Variants in ATG4B observed in about 807,000 individuals in gnomAD.
ATG4B encodes cysteine protease ATG4B.
A neutral mutation model predicts 56.6 loss-of-function variants in ATG4B; 29 were observed. That is an observed-to-expected ratio of 0.51 (90% CI 0.38 to 0.70). ATG4B has a LOEUF of 0.70. Among genes scored for constraint, ATG4B ranks in the 30% least tolerant of loss-of-function variants. The pLI is 0.00. For synonymous variants in ATG4B, 224 were observed against 206.1 expected (o/e 1.09, Z -0.74); for missense variants, 461 against 515.5 (o/e 0.89, Z 1.02).
chr2:241,642,731 C>T (rs2067931062), intron 1 of ATG4B, among the ~76,000 whole-genome samples: 1 of 151,082 alleles, frequency 6.6e-6, no homozygotes, highest in Non-Finnish European at 1.5e-5. Flanking sequence ...TATTAAAATG[C>T]CATCTGCCCT....
chr2:241,666,535 C>T lies in ATG4B; in HGVS notation c.539-110C>T. ...CAAGTTTGAATTTCACTGTAAGCAC[C>T]TGGCTTTGTACCGCCCTTTTTCTGT... On this transcript the variant is annotated intron_variant, in intron 7 of 12. Coordinates refer to ENST00000404914, the MANE Select transcript of ATG4B (RefSeq NM_013325.5). 3 of 1,169,594 alleles carry T rather than the reference C, an allele frequency of 2.6e-6. No individual in the cohort carries two copies. In the South Asian group the frequency reaches 4.0e-5, roughly 16 times the overall value. 72.5% of individuals were successfully genotyped at this position (1,169,594 alleles called of 1,614,324 possible). A position where few individuals can be genotyped will look rare whatever the true frequency, so the allele number is the denominator to read the frequency against.
At chr2:241,637,993 C>T (rs1037486406) in intron 1 of ATG4B, among the ~76,000 whole-genome samples, 15 of 151,588 alleles carry the variant, frequency 9.9e-5, no homozygotes, top group African/African-American at 3.6e-4. Context: ...CGGAGCGCTC[C>T]GGAGGTTGTG....
At chr2:241,667,764 C>T (rs2068825545) in intron 8 of ATG4B, 1 of 196,308 alleles carries the variant, frequency 5.1e-6, no homozygotes. Flanking sequence ...GCCTTCTGCC[C>T]ATCCTGTGGG....
At chr2:241,653,647 T>C in intron 4 of ATG4B, 37 bp downstream of exon 4, 1 of 1,546,512 alleles carries the variant, frequency 6.5e-7, no homozygotes, top group Non-Finnish European at 8.8e-7. Context: ...ATGGCCACGG[T>C]GTTCTCAGGA....
chr2:241,640,121 A>G (rs2067840418), intron 1 of ATG4B, among the ~76,000 whole-genome samples: 1 of 152,176 alleles, frequency 6.6e-6, no homozygotes. Context: ...CTAAAATGTG[A>G]AAATCATCAT....
At chr2:241,645,165 C>A (rs756966423) in intron 1 of ATG4B, among the ~76,000 whole-genome samples, 24 of 152,096 alleles carry the variant, frequency 1.6e-4, no homozygotes, top group Non-Finnish European at 2.6e-4. Context: ...CCTTCCTGTC[C>A]TCCAGCATGA....
chr2:241,669,542 C>G (rs535983491), intron 10 of ATG4B, among the ~76,000 whole-genome samples: 3 of 152,342 alleles, frequency 2.0e-5, no homozygotes, highest in Non-Finnish European at 4.4e-5. Context: ...GAGTCTCACT[C>G]TGTCGCCCAG....
chr2:241,662,987 G>A (rs2068637063), intron 7 of ATG4B, among the ~76,000 whole-genome samples: 1 of 152,046 alleles, frequency 6.6e-6, no homozygotes, highest in Admixed American at 6.5e-5. Context: ...TATAATCCCA[G>A]CACTTCGGGA....
At position 241,639,720 on chromosome 2, in the gene ATG4B, C is replaced by T. The variant is rs150616548; in HGVS notation, c.10+1996C>T. Among the ~76,000 whole-genome samples the T allele has an allele frequency of 2.0e-3, 298 of 152,222 alleles. 2 individuals are homozygous for T. Among genetic ancestry groups the T allele is most frequent in the Admixed American group, 3.9e-3 (60 of 15,298 alleles). On this transcript the variant is annotated intron_variant, in intron 1 of 12. Coordinates refer to ENST00000404914, the MANE Select transcript of ATG4B (RefSeq NM_013325.5). ...TGGCTGGGTCCAGGGCTTTTATAGG[C>T]TCAGAATGGGGAGTGTGTGCTGATT...
intron 7 of ATG4B, among the ~76,000 whole-genome samples, chr2:241,662,742 G>A (rs1431211864): frequency 6.6e-6 from 1 of 152,008 alleles, no homozygotes; most frequent in Non-Finnish European, 1.5e-5. Context: ...CAGTAAAGTG[G>A]GCCGGGCATG....
In ATG4B at chr2:241,671,910, C is replaced by T. The variant is rs1180962304; in HGVS notation, c.1109-281C>T. On this transcript the variant is annotated intron_variant, in intron 12 of 12. Transcript: ENST00000404914. ...CAAGGCAATGGCAATGGAACCACTC[C>T]TGATGACCACGAGGGTCAGACGCGG... The T allele has an allele frequency of 7.4e-6, 10 of 1,358,588 alleles. No individual in the cohort carries two copies. The East Asian group carries it at 1.5e-4, about 20-fold the overall frequency. The allele number at this position is 1,358,588 out of a possible 1,614,324, so 84.2% of individuals were successfully genotyped here.
chr2:241,660,130 C>G (rs2068545670), intron 7 of ATG4B, among the ~76,000 whole-genome samples: 3 of 152,180 alleles, frequency 2.0e-5, no homozygotes, highest in African/African-American at 7.2e-5. Context: ...GCGGAGGTTG[C>G]AGTGAGCCTT....
intron 12 of ATG4B, 190 bp from the exon 13 acceptor site, chr2:241,672,001 C>T: frequency 1.4e-6 from 2 of 1,423,880 alleles, no homozygotes; most frequent in Non-Finnish European, 1.8e-6. Context: ...TGCCCTGCTC[C>T]TCTTCTCTGC....
intron 1 of ATG4B, among the ~76,000 whole-genome samples, chr2:241,649,817 C>T (rs1376015890): frequency 7.4e-6 from 1 of 134,336 alleles, no homozygotes; most frequent in Non-Finnish European, 1.6e-5. Flanking sequence ...GAGTTTCACT[C>T]TTGTCACCCA....
chr2:241,655,550 A>G lies in ATG4B; in HGVS notation c.458+207A>G, dbSNP rs2068371698. 3 of 593,224 alleles carry G rather than the reference A, an allele frequency of 5.1e-6. No individual in the cohort carries two copies. In the South Asian group the frequency reaches 6.1e-5, roughly 12 times the overall value. The allele number at this position is 593,224 out of a possible 1,614,324, so 36.7% of individuals were successfully genotyped here. A position where few individuals can be genotyped will look rare whatever the true frequency, so the allele number is the denominator to read the frequency against. On this transcript the variant is annotated intron_variant, in intron 6 of 12. Transcript: ENST00000404914. ...TAACAAAATGAACACCGTAGTCCAC[A>G]TCCTGGCTGGCACATTGGACCCTTG... is the stretch of plus-strand genomic sequence containing the variant.
intron 7 of ATG4B, among the ~76,000 whole-genome samples, chr2:241,662,681 G>A (rs1237767195): frequency 6.6e-6 from 1 of 152,230 alleles, no homozygotes; most frequent in Admixed American, 6.5e-5. Flanking sequence ...GCACCAGTCA[G>A]CAGGAAACTC....
At position 241,655,266 on chromosome 2, in the gene ATG4B, T is replaced by C. The variant is rs751423060; in HGVS notation, c.386-5T>C. 2.4e-5 allele frequency: 38 copies of C among 1,609,544 alleles called. No homozygotes were observed. Among genetic ancestry groups the C allele is most frequent in the Non-Finnish European group, 3.2e-5 (38 of 1,177,996 alleles). ...GTGTTGCTAATGTGTATCTGTTCCC[T>C]GCAGCGCAAATGGGAGTTGGCGAAG... On this transcript the variant is annotated splice_region_variant and splice_polypyrimidine_tract_variant and intron_variant, in intron 5 of 12. Transcript: ENST00000404914.
intron 7 of ATG4B, among the ~76,000 whole-genome samples, chr2:241,662,595 G>C: frequency 6.6e-6 from 1 of 152,210 alleles, no homozygotes; most frequent in East Asian, 1.9e-4. Flanking sequence ...AACCGGCCCA[G>C]CTACGCATCA....
chr2:241,641,677 A>G (rs2067895461), intron 1 of ATG4B, among the ~76,000 whole-genome samples: 1 of 152,126 alleles, frequency 6.6e-6, no homozygotes, highest in African/African-American at 2.4e-5. Flanking sequence ...ATCCTTGTAG[A>G]GCAGTGTCCA....
Sources: gnomAD v4.1 joint callset for allele counts (sites outside exome capture counted in the v4.1 genomes callset) on GRCh38, gnomAD v4.1.1 for gene constraint, MANE v1.5 for transcripts, NCBI Gene and HGNC (gene_info 2026-07-23, HGNC 2026-07-21) for gene names.